CENPE: variants seen among roughly 807,000 people sequenced by gnomAD.
CENPE encodes the protein centromere-associated protein E.
A neutral mutation model predicts 336.1 loss-of-function variants in CENPE; 145 were observed. That is an observed-to-expected ratio of 0.43 (90% CI 0.38 to 0.50). CENPE has a LOEUF of 0.50. CENPE is among the 20% of genes least tolerant of loss of function. The pLI is 0.00. For missense variants in CENPE, 2,719 were observed against 3,023.3 expected (o/e 0.90, Z 2.36); for synonymous variants, 1,013 against 984.8 (o/e 1.03, Z -0.54).
At chr4:103,123,531 A>C (rs1750832310) in intron 42 of CENPE, among the ~76,000 whole-genome samples, 1 of 152,294 alleles carries the variant, frequency 6.6e-6, no homozygotes, top group Admixed American at 6.5e-5. Context: ...TCAACTTAAT[A>C]AGAAAAAAAA....
At chr4:103,166,432 T>C (rs1754927616) in intron 16 of CENPE, among the ~76,000 whole-genome samples, 1 of 152,236 alleles carries the variant, frequency 6.6e-6, no homozygotes, top group South Asian at 2.1e-4. Context: ...TCCAATGGTT[T>C]TGTCATGCAT....
Position 103,195,156 on chromosome 4 carries a change from G to A in CENPE, c.435C>T (p.Gly145=), listed in dbSNP as rs187538280. The A allele has an allele frequency of 1.4e-4, 230 of 1,591,830 alleles. No homozygotes were observed. The Admixed American group carries it at 1.9e-3, about 13-fold the overall frequency. The change falls in exon 5 of 49, where the codon GGC becomes GGT. Residue 145 remains glycine, a synonymous_variant. Coordinates refer to ENST00000265148, the MANE Select transcript of CENPE (RefSeq NM_001813.3). ...TAATTAAAGGTTTCATTTTTTGAGT[G>A]CCACAGAGTAAATCTGTAATGGTTT... ...YNETITDLLC[G]TQKMKPLIIR...
intron 13 of CENPE, among the ~76,000 whole-genome samples, 187 bp from the exon 14 acceptor site, chr4:103,177,233 C>T (rs1352364585): frequency 6.6e-6 from 1 of 151,998 alleles, no homozygotes; most frequent in East Asian, 1.9e-4. Flanking sequence ...TTACTTCACT[C>T]TAACTACCAT....
At chr4:103,152,167 T>G (rs772220868) in intron 25 of CENPE, among the ~76,000 whole-genome samples, 2 of 152,006 alleles carry the variant, frequency 1.3e-5, no homozygotes, top group Non-Finnish European at 2.9e-5. Flanking sequence ...AGGAACAAAT[T>G]TAATAAAATA....
Position 103,141,785 on chromosome 4 carries a change from C to CT in CENPE, c.5427dup (p.Asp1810ArgfsTer8). 1 of 1,552,250 alleles carries CT rather than the reference C, an allele frequency of 6.4e-7. No homozygotes were observed. The highest frequency in any genetic ancestry group is 8.8e-7 in the Non-Finnish European group (1 of 1,134,166). ...AATTTAGCATTTGAATTTTCTAAAT[C>CT]TTTTTGCATATTTGATAGTTTATCT... On this transcript the variant is annotated frameshift_variant, in exon 35 of 49. Coordinates refer to ENST00000265148, the MANE Select transcript of CENPE (RefSeq NM_001813.3). LOFTEE classifies it high-confidence loss of function.
intron 43 of CENPE, among the ~76,000 whole-genome samples, 170 bp from the exon 44 acceptor site, chr4:103,120,503 C>T (rs1360515284): frequency 6.6e-6 from 1 of 152,142 alleles, no homozygotes; most frequent in Non-Finnish European, 1.5e-5. Context: ...TGTTATTTCC[C>T]TCATTTAGAT....
At chr4:103,120,795 G>T (rs1355823422) in intron 43 of CENPE, among the ~76,000 whole-genome samples, 5 of 151,750 alleles carry the variant, frequency 3.3e-5, no homozygotes, top group African/African-American at 1.2e-4. Context: ...GAATGCAGTG[G>T]CGCAATCTCG....
chr4:103,162,043 G>C (rs1754492874), intron 18 of CENPE, among the ~76,000 whole-genome samples: 1 of 151,996 alleles, frequency 6.6e-6, no homozygotes, highest in African/African-American at 2.4e-5. Flanking sequence ...ATTAATACAT[G>C]AATGAATAAG....
chr4:103,167,252 C>T (rs1755001664), intron 16 of CENPE, among the ~76,000 whole-genome samples: 1 of 151,974 alleles, frequency 6.6e-6, no homozygotes, highest in South Asian at 2.1e-4. Flanking sequence ...AACTGCTGTG[C>T]TCTAGGTAGC....
intron 40 of CENPE, among the ~76,000 whole-genome samples, chr4:103,135,905 T>C (rs1752027142): frequency 6.6e-6 from 1 of 152,216 alleles, no homozygotes; most frequent in Admixed American, 6.5e-5. Flanking sequence ...GACTATGAGA[T>C]CTTTGAGATG....
chr4:103,132,506 T>G (rs1751676617), intron 42 of CENPE, among the ~76,000 whole-genome samples, 187 bp downstream of exon 42: 1 of 152,174 alleles, frequency 6.6e-6, no homozygotes, highest in African/African-American at 2.4e-5. Flanking sequence ...CAAGATTTCG[T>G]TACCTTGATC....
intron 47 of CENPE, among the ~76,000 whole-genome samples, chr4:103,109,840 C>T (rs145561688): frequency 2.0e-5 from 3 of 152,264 alleles, no homozygotes; most frequent in East Asian, 1.9e-4. Flanking sequence ...CCTGCCATTA[C>T]ATTTAGGATA....
Position 103,146,054 on chromosome 4 carries a change from G to A in CENPE, c.4188C>T (p.Asp1396=). Residue 1396 remains aspartate (D), a synonymous_variant, in exon 30 of 49, where the codon GAC becomes GAT. Coordinates refer to ENST00000265148, the MANE Select transcript of CENPE (RefSeq NM_001813.3). ...CACTCACGATTTTGGTAGTTTCATT[G>A]TCTTTTTCTTTCATATTTAAGGACT... The part of the protein sequence containing the change: ...QEQSLNMKEK[D]NETTKIVSEM... 6.2e-7 allele frequency: 1 copy of A among 1,613,736 alleles called. No individual in the cohort carries two copies. Among genetic ancestry groups the A allele is most frequent in the Non-Finnish European group, 8.5e-7 (1 of 1,179,814 alleles).
rs1270104911 is a variant in CENPE at position 103,159,321 on chromosome 4, G to C, written c.2290C>G (p.Gln764Glu). The change falls in exon 22 of 49, where the codon CAA becomes GAA. Residue 764 changes from glutamine (Q) to glutamate (E), a missense_variant. By Grantham distance (29) the Gln-to-Glu change is conservative. Coordinates refer to ENST00000265148, the MANE Select transcript of CENPE (RefSeq NM_001813.3). The part of the protein sequence containing the change: ...SEVERLRKEI[Q>E]DKSEELHIIT... ...ATATGGAGCTCTTCAGATTTGTCTT[G>C]TATCTATGGAAAAGAAATAAAATTT... 4.2e-6 allele frequency: 6 copies of C among 1,437,268 alleles called. No homozygotes were observed. In the East Asian group the frequency reaches 1.5e-4, roughly 36 times the overall value. The allele number at this position is 1,437,268 out of a possible 1,614,324, so 89.0% of individuals were successfully genotyped here.
chr4:103,195,955 T>C lies in CENPE; in HGVS notation c.322A>G (p.Arg108Gly). The change falls in exon 4 of 49, where the codon AGG becomes GGG. Residue 108 changes from arginine (R) to glycine (G), a missense_variant. Arg to Gly is a moderately radical substitution (Grantham distance 125). Around this residue, in one of 5 missense-constraint regions of CENPE, gnomAD observed 106 missense variants for 189.3 expected, o/e 0.56. Transcript: ENST00000265148. ...TTTTGGAAAATGTCATGAATTGCCCTGGGTATAACTCCCAAATGATCTTCT... is the reference window on the plus strand; with the variant it reads ...TTTTGGAAAATGTCATGAATTGCCCCGGGTATAACTCCCAAATGATCTTCT... The part of the protein sequence containing the change: ...GSEDHLGVIP[R>G]AIHDIFQKIK... 6.2e-7 allele frequency: 1 copy of C among 1,613,744 alleles called. No individual in the cohort carries two copies. Among genetic ancestry groups the C allele is most frequent in the Non-Finnish European group, 8.5e-7 (1 of 1,179,672 alleles).
chr4:103,194,811 T>C (rs1757620112), intron 5 of CENPE, 127 bp from the exon 6 acceptor site: 1 of 656,902 alleles, frequency 1.5e-6, no homozygotes, highest in Non-Finnish European at 2.4e-6. Flanking sequence ...ACCATAATTC[T>C]GTAGGAATGT....
At chr4:103,154,378 C>G (rs538510940) in intron 24 of CENPE, among the ~76,000 whole-genome samples, 1 of 151,620 alleles carries the variant, frequency 6.6e-6, no homozygotes, top group Non-Finnish European at 1.5e-5. Flanking sequence ...CCACTTAGAT[C>G]ATATGTATTT....
At chr4:103,112,040 T>A (rs938220247) in intron 46 of CENPE, among the ~76,000 whole-genome samples, 9 of 151,932 alleles carry the variant, frequency 5.9e-5, no homozygotes, top group Middle Eastern at 3.4e-3. Flanking sequence ...AAGACACTTA[T>A]TACATGAGCT....
At chr4:103,190,623 A>C (rs1202354128) in intron 8 of CENPE, among the ~76,000 whole-genome samples, 1 of 152,208 alleles carries the variant, frequency 6.6e-6, no homozygotes, top group Non-Finnish European at 1.5e-5. Flanking sequence ...CCTTCCTTAC[A>C]CCTTATACAA....
Sources: gnomAD v4.1 joint callset for allele counts (sites outside exome capture counted in the v4.1 genomes callset) on GRCh38, gnomAD v4.1.1 for gene constraint, gnomAD v4.1.1 regional missense constraint, MANE v1.5 for transcripts, NCBI Gene and HGNC (gene_info 2026-07-23, HGNC 2026-07-21) for gene names.